Variants in HADHB observed in about 807,000 individuals in gnomAD.
HADHB encodes hydroxyacyl-CoA dehydrogenase trifunctional multienzyme complex subunit beta, also known as trifunctional enzyme subunit beta, mitochondrial.
A neutral mutation model predicts 61.9 loss-of-function variants in HADHB; 50 were observed. The observed-to-expected ratio is 0.81, with a 90% confidence interval of 0.64 to 1.02. The LOEUF is 1.02. HADHB is among the 50% of genes least tolerant of loss of function. The pLI, the probability that HADHB is intolerant of heterozygous loss-of-function variation, is 0.00. For missense variants in HADHB, 504 were observed against 586.5 expected, an observed-to-expected ratio of 0.86 and a Z score of 1.45; for synonymous variants, 191 against 201.6, an observed-to-expected ratio of 0.95 and a Z score of 0.45.
intron 3 of HADHB, among the ~76,000 whole-genome samples, chr2:26,259,743 A>G (rs1671784041): frequency 6.6e-6 from 1 of 152,244 alleles, no homozygotes; most frequent in Non-Finnish European, 1.5e-5. Flanking sequence ...AGTGTGCCCT[A>G]GAGGTTGCCC....
At chr2:26,260,770 G>A in intron 3 of HADHB, 1 of 519,722 alleles carries the variant, frequency 1.9e-6, no homozygotes, top group East Asian at 3.2e-5. Context: ...CAGCTCTAGG[G>A]GCCAGCTACT....
chr2:26,285,961 T>C (rs558181937), intron 15 of HADHB, among the ~76,000 whole-genome samples: 2 of 151,966 alleles, frequency 1.3e-5, no homozygotes, highest in South Asian at 2.1e-4. Context: ...TAGTCTCGAA[T>C]TGCCGACTTC....
intron 13 of HADHB, 51 bp from the exon 14 acceptor site, chr2:26,284,832 C>T (rs766452752): frequency 4.4e-6 from 4 of 917,104 alleles, no homozygotes; most frequent in Non-Finnish European, 7.4e-6. Flanking sequence ...TATAAGAAAG[C>T]GTAGAGGAAC....
intron 13 of HADHB, 51 bp from the exon 14 acceptor site, chr2:26,284,832 C>A (rs766452752): frequency 1.1e-6 from 1 of 917,106 alleles, no homozygotes; most frequent in Non-Finnish European, 1.8e-6. Flanking sequence ...TATAAGAAAG[C>A]GTAGAGGAAC....
At position 26,284,910 on chromosome 2, in the gene HADHB, A is replaced by G. The variant is rs1229709357; in HGVS notation, c.1177A>G (p.Met393Val). The G allele has an allele frequency of 5.0e-6, 8 of 1,598,244 alleles. No individual in the cohort carries two copies. The highest frequency in any genetic ancestry group is 3.3e-5 in the South Asian group (3 of 90,786). ...TCAGATTTTGGCAAATTTTAAAGCC[A>G]TGGATTCTGATTGGTTTGCAGAAAA... ...SGQILANFKA[M>V]DSDWFAENYM... The change falls in exon 14 of 16, where the codon ATG becomes GTG. Residue 393 changes from methionine (M) to valine (V), a missense_variant. Transcript: ENST00000317799.
In HADHB at chr2:26,254,248, T is replaced by C. The variant is rs961833969; in HGVS notation, c.-7T>C. ...ATACTTTTGTTCTTCTCTTTTTAGA[T>C]TCCAGAATGACTATCTTGACTTACC... is the stretch of plus-strand genomic sequence containing the variant. On this transcript the variant is annotated splice_region_variant and 5_prime_UTR_variant, in exon 2 of 16. Coordinates refer to ENST00000317799, the MANE Select transcript of HADHB (RefSeq NM_000183.3). 3 of 1,201,166 alleles carry C rather than the reference T, an allele frequency of 2.5e-6. No individual in the cohort carries two copies. Among genetic ancestry groups the C allele is most frequent in the Admixed American group, 1.9e-5 (1 of 51,340 alleles). 74.4% of individuals were successfully genotyped at this position (1,201,166 alleles called of 1,614,324 possible).
intron 4 of HADHB, among the ~76,000 whole-genome samples, chr2:26,269,003 G>T (rs971809501): frequency 2.6e-5 from 4 of 151,984 alleles, no homozygotes; most frequent in Non-Finnish European, 5.9e-5. Flanking sequence ...AAAAAAATCA[G>T]CTGGGCGTGG....
chr2:26,254,404 T>G (rs1365388382), intron 2 of HADHB, 26 bp from the exon 3 acceptor site: 1 of 1,587,738 alleles, frequency 6.3e-7, no homozygotes, highest in Non-Finnish European at 8.7e-7. Context: ...TATTGCTTTT[T>G]GTAAACAGTT....
At chr2:26,274,672 C>T (rs1255021132) in intron 6 of HADHB, among the ~76,000 whole-genome samples, 1 of 152,116 alleles carries the variant, frequency 6.6e-6, no homozygotes, top group Admixed American at 6.6e-5. Context: ...TTTCCTTGAA[C>T]CTTGACATTT....
chr2:26,269,749 G>A (rs1672262066), intron 4 of HADHB, among the ~76,000 whole-genome samples: 1 of 152,236 alleles, frequency 6.6e-6, no homozygotes, highest in Non-Finnish European at 1.5e-5. Context: ...CTCAGGAGGA[G>A]TTAAGGCTTG....
chr2:26,272,306 A>G lies in HADHB; in HGVS notation c.255-1345A>G, dbSNP rs148950536. ...TAGTTTGATGAGTTTTGACAAATGT[A>G]TATACCCCGTGTTCCTGTTTTTGAT... On this transcript the variant is annotated intron_variant, in intron 5 of 15. Coordinates refer to ENST00000317799, the MANE Select transcript of HADHB (RefSeq NM_000183.3). 4.0e-5 allele frequency among the ~76,000 whole-genome samples: 6 copies of G among 149,646 alleles called. No individual in the cohort carries two copies. In the South Asian group the frequency reaches 8.4e-4, roughly 21 times the overall value.
intron 6 of HADHB, among the ~76,000 whole-genome samples, chr2:26,274,841 T>A (rs1287934226): frequency 1.3e-5 from 2 of 152,178 alleles, no homozygotes; most frequent in Non-Finnish European, 2.9e-5. Flanking sequence ...CAGCTTTTTA[T>A]CCCATCCTTT....
chr2:26,271,909 A>T lies in HADHB; in HGVS notation c.255-1742A>T, dbSNP rs6742866. Among the ~76,000 whole-genome samples, 980 of 152,018 alleles carry T rather than the reference A, an allele frequency of 6.4e-3. 9 individuals carry two copies. The highest frequency in any genetic ancestry group is 0.022 in the African/African-American group (897 of 41,488). ...AGCAAGACTTTGTCTCAAAAAAAAA[A>T]TTTTTTTTAAATTTTTAATTTATTT... On this transcript the variant is annotated intron_variant, in intron 5 of 15. Transcript: ENST00000317799.
chr2:26,269,114 A>C (rs561060713), intron 4 of HADHB, among the ~76,000 whole-genome samples: 1 of 151,478 alleles, frequency 6.6e-6, no homozygotes, highest in East Asian at 1.9e-4. Flanking sequence ...GCGCCATTGC[A>C]CTTCAGCCTG....
chr2:26,275,320 C>A (rs753716653), intron 6 of HADHB, among the ~76,000 whole-genome samples: 5 of 152,092 alleles, frequency 3.3e-5, no homozygotes, highest in Admixed American at 6.5e-5. Flanking sequence ...ATATACAGTC[C>A]TAAAAGGCTC....
At chr2:26,257,428 C>G (rs929881157) in intron 3 of HADHB, among the ~76,000 whole-genome samples, 1 of 151,882 alleles carries the variant, frequency 6.6e-6, no homozygotes, top group Non-Finnish European at 1.5e-5. Flanking sequence ...CCAAGAGCTC[C>G]CCTTCTAATG....
chr2:26,282,340 C>T (rs555844202), intron 10 of HADHB, among the ~76,000 whole-genome samples: 2 of 150,686 alleles, frequency 1.3e-5, no homozygotes, highest in African/African-American at 2.4e-5. Context: ...CTGCAACCTC[C>T]GCCTCCCAGG....
At chr2:26,285,058 C>G (rs1672969762) in intron 14 of HADHB, 101 bp downstream of exon 14, 1 of 737,826 alleles carries the variant, frequency 1.4e-6, no homozygotes, top group Non-Finnish European at 2.4e-6. Flanking sequence ...GCTTCTCTTT[C>G]TTTTGAAGAA....
intron 1 of HADHB, among the ~76,000 whole-genome samples, chr2:26,248,102 C>T (rs954396243): frequency 6.6e-6 from 1 of 152,156 alleles, no homozygotes; most frequent in Admixed American, 6.6e-5. Flanking sequence ...GGTTTACTTA[C>T]CCATTTCCCT....
Sources: gnomAD v4.1 joint callset for allele counts (sites outside exome capture counted in the v4.1 genomes callset) on GRCh38, gnomAD v4.1.1 for gene constraint, MANE v1.5 for transcripts, NCBI Gene and HGNC (gene_info 2026-07-23, HGNC 2026-07-21) for gene names.